The following CD4 variants were observed in gnomAD, a reference collection of about 807,000 sequenced individuals.
CD4 encodes CD4 molecule.
In CD4, 25 loss-of-function variants were observed where a neutral mutation model predicts 50.5. That is an observed-to-expected ratio of 0.49 (90% confidence interval 0.36 to 0.69). The LOEUF is 0.69. Ranked by LOEUF, CD4 falls within the 30% of genes least tolerant of loss-of-function variation. The probability of loss-of-function intolerance (pLI) is 0.00; values close to 1 mark genes in which losing one functional copy is unlikely to be tolerated. For synonymous variants in CD4, 207 were observed against 221.9 expected (o/e 0.93, Z 0.60); for missense variants, 456 against 548.5 (o/e 0.83, Z 1.68).
intron 3 of CD4, among the ~76,000 whole-genome samples, chr12:6,812,062 A>ATCCTAGC (rs1942955645): frequency 6.6e-6 from 1 of 152,054 alleles, no homozygotes; most frequent in Non-Finnish European, 1.5e-5. Flanking sequence ...CTGCATTTTA[A>ATCCTAGC]TCCTAGCTCC....
intron 1 of CD4, among the ~76,000 whole-genome samples, chr12:6,797,903 C>T (rs1321705248): frequency 6.6e-6 from 1 of 152,154 alleles, no homozygotes; most frequent in Non-Finnish European, 1.5e-5. Flanking sequence ...CAGATGCCTT[C>T]CTCTTATCTC....
chr12:6,811,491 C>CTTTTTTTTTT (rs11318741), intron 3 of CD4, among the ~76,000 whole-genome samples: 64 of 111,024 alleles, frequency 5.8e-4, no homozygotes, highest in African/African-American at 7.4e-4. Flanking sequence ...TTTTCTTTTT[C>CTTTTTTTTTT]TTTTTTTTTT....
At chr12:6,803,510 C>T (rs951318726) in intron 3 of CD4, among the ~76,000 whole-genome samples, 19 of 143,882 alleles carry the variant, frequency 1.3e-4, no homozygotes, top group African/African-American at 3.5e-4. Flanking sequence ...TGGGGCCGGG[C>T]GTGGTGGCTC....
At chr12:6,805,354 G>A (rs1942709910) in intron 3 of CD4, among the ~76,000 whole-genome samples, 1 of 151,900 alleles carries the variant, frequency 6.6e-6, no homozygotes, top group African/African-American at 2.4e-5. Context: ...CTTGAAGTCG[G>A]GAGTTTGAGA....
chr12:6,802,555 G>A (rs961456311), intron 3 of CD4, among the ~76,000 whole-genome samples: 4 of 150,914 alleles, frequency 2.7e-5, no homozygotes, highest in Non-Finnish European at 5.9e-5. Flanking sequence ...TGATCTTCCC[G>A]CTTTGGCCTC....
At chr12:6,800,807 C>T (rs146111161) in intron 3 of CD4, among the ~76,000 whole-genome samples, 2,116 of 152,196 alleles carry the variant, frequency 0.014, 32 homozygotes, top group Non-Finnish European at 0.017. Context: ...ATGTATAATC[C>T]TAGCACTGTG....
intron 5 of CD4, chr12:6,815,663 T>A: frequency 8.6e-7 from 1 of 1,159,328 alleles, no homozygotes; most frequent in Non-Finnish European, 1.2e-6. Flanking sequence ...CTGATATACG[T>A]AAGGCACTGA....
chr12:6,790,342 G>A (rs2855538), intron 1 of CD4, among the ~76,000 whole-genome samples: 93,904 of 152,012 alleles, frequency 0.62, 29,243 homozygotes, highest in Middle Eastern at 0.69. Flanking sequence ...ATTTTTGTCT[G>A]CTTCTTTGCT....
At position 6,818,583 on chromosome 12, in the gene CD4, C is replaced by T. The variant is rs782114407; in HGVS notation, c.1278+41C>T. The T allele has an allele frequency of 1.9e-6, 3 of 1,610,594 alleles. No individual in the cohort carries two copies. Among genetic ancestry groups the T allele is most frequent in the Non-Finnish European group, 2.5e-6 (3 of 1,179,402 alleles). On this transcript the variant is annotated intron_variant, in intron 8 of 9. Coordinates refer to ENST00000011653, the MANE Select transcript of CD4 (RefSeq NM_000616.5). This position sits in a 1 kb window ranked among gnomAD's most constrained non-coding sequence, Gnocchi z 5.0. Reference sequence around the variant, plus strand: ...CCTGGTCCCCACAAGGCCCTCAAACCCCTGAGTCCTCTACCAGGAGATCCT... The same window carrying T: ...CCTGGTCCCCACAAGGCCCTCAAACTCCTGAGTCCTCTACCAGGAGATCCT...
chr12:6,794,927 A>G (rs1216373643), intron 1 of CD4, among the ~76,000 whole-genome samples: 1 of 151,706 alleles, frequency 6.6e-6, no homozygotes, highest in African/African-American at 2.4e-5. Flanking sequence ...AGCTGGGATT[A>G]CAGGCCCGTA....
intron 1 of CD4, among the ~76,000 whole-genome samples, chr12:6,793,964 C>CTGTCTA (rs1942274067): frequency 2.4e-5 from 1 of 40,934 alleles, no homozygotes; most frequent in Non-Finnish European, 4.0e-5. Flanking sequence ...CGGCTTCTAT[C>CTGTCTA]TATCTATATC....
intron 3 of CD4, among the ~76,000 whole-genome samples, chr12:6,809,229 C>T (rs1250488347): frequency 6.6e-6 from 1 of 152,106 alleles, no homozygotes; most frequent in African/African-American, 2.4e-5. Flanking sequence ...ATGATGTCTG[C>T]CACCTATTGT....
chr12:6,819,254 T>C, intron 9 of CD4, 45 bp from the exon 10 acceptor site: 1 of 1,605,848 alleles, frequency 6.2e-7, no homozygotes, highest in Non-Finnish European at 8.5e-7. Context: ...CGCAAAGGGG[T>C]TGCAGTGGGG....
chr12:6,806,426 A>G lies in CD4; in HGVS notation c.214+5955A>G, dbSNP rs565419221. ...ACTGAGCCAGGGAGGCAGAGGTTGC[A>G]GTGAGCCAAGATGTTGCCTGGTTGC... On this transcript the variant is annotated intron_variant, in intron 3 of 9. Coordinates refer to ENST00000011653, the MANE Select transcript of CD4 (RefSeq NM_000616.5). Among the ~76,000 whole-genome samples the G allele has an allele frequency of 8.1e-4, 123 of 152,224 alleles. 1 individual carries two copies. Among genetic ancestry groups the G allele is most frequent in the Middle Eastern group, 6.8e-3 (2 of 294 alleles).
intron 3 of CD4, among the ~76,000 whole-genome samples, chr12:6,801,775 T>A (rs1277998815): frequency 1.3e-5 from 2 of 150,918 alleles, no homozygotes; most frequent in African/African-American, 2.4e-5. Flanking sequence ...TTAGCCAGGC[T>A]GGTCTTGATC....
chr12:6,814,067 C>T (rs1172383810), intron 3 of CD4, 75 bp from the exon 4 acceptor site: 5 of 1,280,056 alleles, frequency 3.9e-6, no homozygotes, highest in East Asian at 2.3e-5. Flanking sequence ...TCAGAAGAGC[C>T]GTGGGCATTC....
At chr12:6,808,007 G>C (rs1262431796) in intron 3 of CD4, among the ~76,000 whole-genome samples, 1 of 149,888 alleles carries the variant, frequency 6.7e-6, no homozygotes, top group African/African-American at 2.5e-5. Flanking sequence ...TTGAACCCGG[G>C]AGGTGGAGGT....
At chr12:6,808,450 C>CAA (rs3032789) in intron 3 of CD4, among the ~76,000 whole-genome samples, 761 of 37,690 alleles carry the variant, frequency 0.02, 140 homozygotes, top group Non-Finnish European at 0.043. Flanking sequence ...GATTCTGTCT[C>CAA]AAAAAAAAAA....
At chr12:6,814,117 C>A in intron 3 of CD4, 25 bp from the exon 4 acceptor site, 1 of 1,608,438 alleles carries the variant, frequency 6.2e-7, no homozygotes, top group Non-Finnish European at 8.5e-7. Flanking sequence ...GCCTCAGTCC[C>A]CCCCCATATG....
Sources: allele counts gnomAD v4.1 joint callset (sites outside exome capture counted in the v4.1 genomes callset), GRCh38; gene constraint gnomAD v4.1.1; non-coding constraint Gnocchi (gnomAD v3.1); transcripts MANE v1.5; gene names NCBI Gene and HGNC (gene_info 2026-07-23, HGNC 2026-07-21).